KYNU: variants seen among roughly 807,000 people sequenced by gnomAD.
KYNU encodes L-kynurenine hydrolase.
KYNU carries 54 observed loss-of-function variants against 59.2 expected under a neutral mutation model. The ratio of observed to expected loss-of-function variants is 0.91; its 90% CI spans 0.73 to 1.14. The LOEUF (loss-of-function observed/expected upper bound fraction) is 1.14, where lower values mean the gene tolerates loss of function less well. Among genes scored for constraint, KYNU ranks in the 50% most tolerant of loss-of-function variants. KYNU has a pLI of 0.00. For missense variants in KYNU, 567 were observed against 554.4 expected (o/e 1.02, Z -0.23); for synonymous variants, 177 against 192.0 (o/e 0.92, Z 0.65).
At chr2:142,930,554 AG>A (rs1324077081) in intron 4 of KYNU, among the ~76,000 whole-genome samples, 1 of 152,144 alleles carries the variant, frequency 6.6e-6, no homozygotes, top group Admixed American at 6.5e-5. Flanking sequence ...GTTTCTAGTA[AG>A]GGTTCTCCTC....
At chr2:143,030,731 A>G (rs1686715575) in intron 11 of KYNU, among the ~76,000 whole-genome samples, 1 of 152,032 alleles carries the variant, frequency 6.6e-6, no homozygotes, top group South Asian at 2.1e-4. Flanking sequence ...TATTTTATAT[A>G]TATAGGTGCT....
At chr2:142,927,787 T>C in intron 4 of KYNU, 46 bp downstream of exon 4, 1 of 1,279,630 alleles carries the variant, frequency 7.8e-7, no homozygotes. Flanking sequence ...TGTAAAGATG[T>C]TATCATTTAG....
chr2:142,925,933 C>G (rs963965019), intron 3 of KYNU, among the ~76,000 whole-genome samples: 1 of 152,096 alleles, frequency 6.6e-6, no homozygotes, highest in Non-Finnish European at 1.5e-5. Flanking sequence ...AACTGTTACC[C>G]AGAAAAAATG....
At chr2:142,989,839 A>G (rs1160661094) in intron 10 of KYNU, 1 of 151,886 alleles carries the variant, frequency 6.6e-6, no homozygotes, top group Non-Finnish European at 1.5e-5. Flanking sequence ...ATAACATTGC[A>G]TTTTAGAAGT....
chr2:143,017,995 A>G (rs1248036015), intron 10 of KYNU, among the ~76,000 whole-genome samples: 1 of 151,882 alleles, frequency 6.6e-6, no homozygotes, highest in South Asian at 2.1e-4. Context: ...AGTGGGCAAA[A>G]TATTTAGTTC....
At chr2:143,018,487 T>TCC (rs753277705) in intron 10 of KYNU, among the ~76,000 whole-genome samples, 5 of 152,206 alleles carry the variant, frequency 3.3e-5, no homozygotes, top group Non-Finnish European at 7.3e-5. Context: ...TCCTGTCCTA[T>TCC]TGGTCTATGT....
rs111857734 is a variant in KYNU at position 143,038,873 on chromosome 2, A to G, written c.1042-1555A>G. ...AGTCTCAATATCACCAAATGACCCT[A>G]TCTTTGCTCTTGATATCTTTGCTCA... On this transcript the variant is annotated intron_variant, in intron 12 of 13. Coordinates refer to ENST00000264170, the MANE Select transcript of KYNU (RefSeq NM_003937.3). Among the ~76,000 whole-genome samples, 1,388 of 152,234 alleles carry G rather than the reference A, an allele frequency of 9.1e-3. 7 individuals carry two copies. The highest frequency in any genetic ancestry group is 0.016 in the Non-Finnish European group (1,055 of 68,004).
At chr2:142,940,272 A>C (rs1683555117) in intron 4 of KYNU, among the ~76,000 whole-genome samples, 1 of 152,128 alleles carries the variant, frequency 6.6e-6, no homozygotes, top group Admixed American at 6.6e-5. Context: ...TTTTCACTTT[A>C]TTCAGTTTGC....
chr2:143,018,801 C>A (rs1050729837), intron 10 of KYNU, among the ~76,000 whole-genome samples: 1 of 152,072 alleles, frequency 6.6e-6, no homozygotes, highest in Non-Finnish European at 1.5e-5. Flanking sequence ...TCTCTGATTT[C>A]TTTTGGCAGA....
intron 3 of KYNU, among the ~76,000 whole-genome samples, chr2:142,919,128 T>C (rs1011799497): frequency 6.6e-6 from 1 of 152,238 alleles, no homozygotes; most frequent in African/African-American, 2.4e-5. Flanking sequence ...TGATCCGCAG[T>C]TGGTTGAATC....
intron 10 of KYNU, among the ~76,000 whole-genome samples, chr2:142,991,069 A>C (rs1475473135): frequency 6.6e-6 from 1 of 151,930 alleles, no homozygotes; most frequent in Non-Finnish European, 1.5e-5. Flanking sequence ...AAATTTCAGC[A>C]AAAAGACTTA....
intron 1 of KYNU, among the ~76,000 whole-genome samples, chr2:142,882,778 T>C (rs1681348427): frequency 6.6e-6 from 1 of 152,228 alleles, no homozygotes. Context: ...TGAATAGTGC[T>C]GCAATAAACA....
intron 2 of KYNU, among the ~76,000 whole-genome samples, chr2:142,891,775 T>C (rs376418336): frequency 6.6e-6 from 1 of 152,230 alleles, no homozygotes. Context: ...CAGATAAAGA[T>C]ATGTTAAATA....
At chr2:142,924,295 C>T (rs1273118630) in intron 3 of KYNU, among the ~76,000 whole-genome samples, 1 of 152,002 alleles carries the variant, frequency 6.6e-6, no homozygotes, top group African/African-American at 2.4e-5. Context: ...TTTGTAGAGA[C>T]GACGTCTCCC....
chr2:143,018,865 A>C (rs1686332543), intron 10 of KYNU, among the ~76,000 whole-genome samples: 1 of 152,048 alleles, frequency 6.6e-6, no homozygotes, highest in Non-Finnish European at 1.5e-5. Context: ...ATGTATTCCT[A>C]GGTATTTTAT....
At chr2:142,945,287 T>G (rs1683736384) in intron 4 of KYNU, among the ~76,000 whole-genome samples, 1 of 152,256 alleles carries the variant, frequency 6.6e-6, no homozygotes, top group African/African-American at 2.4e-5. Context: ...CACTGCTTTA[T>G]CAATTAAGTT....
chr2:142,938,379 C>T (rs1167688669), intron 4 of KYNU, among the ~76,000 whole-genome samples: 1 of 152,162 alleles, frequency 6.6e-6, no homozygotes, highest in Non-Finnish European at 1.5e-5. Flanking sequence ...CTCAGAGATA[C>T]TCCACCGCAG....
intron 8 of KYNU, among the ~76,000 whole-genome samples, chr2:142,961,730 A>C (rs766487319): frequency 9.4e-5 from 14 of 148,560 alleles, no homozygotes; most frequent in Non-Finnish European, 2.1e-4. Flanking sequence ...GTTTGTAAAA[A>C]GTGTTTTTAG....
At chr2:142,970,366 A>G (rs1684684871) in intron 8 of KYNU, among the ~76,000 whole-genome samples, 1 of 152,210 alleles carries the variant, frequency 6.6e-6, no homozygotes, top group South Asian at 2.1e-4. Flanking sequence ...TCTATGCAAT[A>G]TTATCAAATT....
Sources: allele counts gnomAD v4.1 joint callset (sites outside exome capture counted in the v4.1 genomes callset), GRCh38; gene constraint gnomAD v4.1.1; transcripts MANE v1.5; gene names NCBI Gene and HGNC (gene_info 2026-07-23, HGNC 2026-07-21).